Variants in TOMM70 observed in about 807,000 individuals in gnomAD.
TOMM70 encodes the protein translocase of outer mitochondrial membrane 70, also known as mitochondrial import receptor subunit TOM70.
Under a neutral mutation model 73.6 loss-of-function variants are expected in TOMM70, and 13 were observed. That is an observed-to-expected ratio of 0.18 (90% CI 0.11 to 0.28). TOMM70 has a LOEUF of 0.28. TOMM70 is among the 10% of genes least tolerant of loss of function. The pLI, the probability that TOMM70 is intolerant of heterozygous loss-of-function variation, is 1.00. For missense variants in TOMM70, 609 were observed against 747.5 expected, an observed-to-expected ratio of 0.81 and a Z score of 2.16; for synonymous variants, 257 against 271.2, an observed-to-expected ratio of 0.95 and a Z score of 0.51.
intron 3 of TOMM70, among the ~76,000 whole-genome samples, chr3:100,385,560 T>C (rs1016991390): frequency 2.0e-5 from 3 of 152,230 alleles, no homozygotes; most frequent in African/African-American, 7.2e-5. Context: ...TTGCTTCATG[T>C]CACCTAGAAG....
At chr3:100,400,538 T>C (rs1316739060) in intron 1 of TOMM70, 88 bp downstream of exon 1, 12 of 1,463,148 alleles carry the variant, frequency 8.2e-6, no homozygotes, top group African/African-American at 1.4e-5. Flanking sequence ...AGCTTCCGTC[T>C]GATGGGAAGC....
chr3:100,383,360 A>G (rs995185483), intron 4 of TOMM70, among the ~76,000 whole-genome samples: 2 of 152,072 alleles, frequency 1.3e-5, no homozygotes, highest in African/African-American at 4.8e-5. Context: ...TGCCTCTACT[A>G]AAGTACAAAA....
In TOMM70 at chr3:100,400,850, C is replaced by A; in HGVS notation, c.100G>T (p.Gly34Trp). Residue 34 changes from glycine to tryptophan, a missense_variant, in exon 1 of 12, where the codon GGG becomes TGG. By Grantham distance (184) the Gly-to-Trp change is radical. This residue lies in a region of TOMM70 where 177 missense variants were observed against 163.5 expected (regional missense o/e 1.08). Coordinates refer to ENST00000284320, the MANE Select transcript of TOMM70 (RefSeq NM_014820.5). Reference protein sequence around the residue: ...GGGGTAGPGTGGLPRWQLALA... With the variant: ...GGGGTAGPGTWGLPRWQLALA... The stretch of plus-strand genomic sequence containing the variant: ...GCCAGCTGCCATCGCGGCAGCCCCC[C>A]CGTGCCCGGGCCCGCAGTCCCGCCG... The A allele has an allele frequency of 6.6e-7, 1 of 1,525,198 alleles. No homozygotes were observed. Among genetic ancestry groups the A allele is most frequent in the Non-Finnish European group, 8.7e-7 (1 of 1,143,270 alleles). 94.5% of individuals were successfully genotyped at this position (1,525,198 alleles called of 1,614,324 possible).
intron 4 of TOMM70, among the ~76,000 whole-genome samples, chr3:100,383,090 CTA>C (rs1706650814): frequency 6.6e-6 from 1 of 152,106 alleles, no homozygotes; most frequent in African/African-American, 2.4e-5. Flanking sequence ...TCCAACCAGT[CTA>C]ATTACTCCAC....
chr3:100,395,582 C>T (rs114991597), intron 1 of TOMM70, among the ~76,000 whole-genome samples: 1,765 of 150,344 alleles, frequency 0.012, 37 homozygotes, highest in African/African-American at 0.041. Context: ...AAGATTTCCA[C>T]GGAATCCAGC....
At chr3:100,375,873 C>A (rs1196427576) in intron 6 of TOMM70, among the ~76,000 whole-genome samples, 1 of 152,090 alleles carries the variant, frequency 6.6e-6, no homozygotes, top group African/African-American at 2.4e-5. Context: ...GTATTAAATT[C>A]TCTTGGGTAT....
intron 1 of TOMM70, among the ~76,000 whole-genome samples, chr3:100,387,568 C>T (rs4928171): frequency 0.74 from 109,947 of 149,112 alleles, 41,398 homozygotes; most frequent in East Asian, 0.93. Context: ...CACACCACCA[C>T]GTCCAGCTAA....
chr3:100,389,710 A>G (rs894137434), intron 1 of TOMM70, among the ~76,000 whole-genome samples: 5 of 152,260 alleles, frequency 3.3e-5, no homozygotes, highest in African/African-American at 1.2e-4. Flanking sequence ...AAAAGGCACA[A>G]TAATCATGAA....
Position 100,365,599 on chromosome 3 carries a change from C to T in TOMM70, c.1792G>A (p.Ala598Thr). 1.2e-6 allele frequency: 2 copies of T among 1,614,184 alleles called. No individual in the cohort carries two copies. Among genetic ancestry groups the T allele is most frequent in the South Asian group, 1.1e-5 (1 of 91,080 alleles). Reference sequence around the variant, plus strand: ...GGTGGTTTTAATCCGTATTTCTTTGCAACTTCTGTCTGGGCATGGGCGGCA... The same window carrying T: ...GGTGGTTTTAATCCGTATTTCTTTGTAACTTCTGTCTGGGCATGGGCGGCA... ...CDAAHAQTEV[A>T]KKYGLKPPTL The change falls in exon 12 of 12, where the codon GCA becomes ACA. Residue 598 changes from alanine (A) to threonine (T), a missense_variant. Physicochemically the swap from Ala to Thr is moderately conservative, Grantham distance 58. Transcript: ENST00000284320.
rs200051306 is a variant in TOMM70, at chr3:100,393,185, A to AT, written c.325-6208_325-6207insA. ...GAGTGAAACTCTGTCTCAAAAAAAA[A>AT]AAAAAAAAGATAGGGAACCAACCTA... On this transcript the variant is annotated intron_variant, in intron 1 of 11. Coordinates refer to ENST00000284320, the MANE Select transcript of TOMM70 (RefSeq NM_014820.5). 8.8e-3 allele frequency among the ~76,000 whole-genome samples: 1,341 copies of AT among 152,210 alleles called. 19 individuals are homozygous for AT. The highest frequency in any genetic ancestry group is 0.031 in the African/African-American group (1,304 of 41,510).
intron 1 of TOMM70, among the ~76,000 whole-genome samples, chr3:100,399,295 T>A (rs1448120803): frequency 6.6e-6 from 1 of 150,656 alleles, no homozygotes; most frequent in Admixed American, 6.6e-5. Flanking sequence ...AAAAAAAAAA[T>A]TCAACCTGAA....
chr3:100,384,434 C>A, intron 4 of TOMM70, 45 bp downstream of exon 4: 1 of 1,364,794 alleles, frequency 7.3e-7, no homozygotes, highest in South Asian at 1.4e-5. Context: ...ATACCCTTCA[C>A]AATGTACACA....
At chr3:100,393,940 TGCACCA>T (rs1219193431) in intron 1 of TOMM70, among the ~76,000 whole-genome samples, 74 of 152,286 alleles carry the variant, frequency 4.9e-4, no homozygotes, top group African/African-American at 1.7e-3. Context: ...AGATCAGAAA[TGCACCA>T]GCCTCTAAAA....
intron 11 of TOMM70, 139 bp downstream of exon 11, chr3:100,367,905 G>T: frequency 2.1e-6 from 2 of 934,402 alleles, no homozygotes; most frequent in Non-Finnish European, 2.9e-6. Flanking sequence ...CACTGCCTTA[G>T]CACATTTTTT....
At chr3:100,386,396 T>A in intron 2 of TOMM70, 52 bp from the exon 3 acceptor site, 4 of 1,521,436 alleles carry the variant, frequency 2.6e-6, no homozygotes, top group Non-Finnish European at 3.5e-6. Context: ...TACTGTTCAA[T>A]AGAAATCAGT....
At chr3:100,377,620 G>T in intron 6 of TOMM70, 85 bp downstream of exon 6, 1 of 1,358,430 alleles carries the variant, frequency 7.4e-7, no homozygotes, top group Non-Finnish European at 1.0e-6. Flanking sequence ...AATGGCAGTT[G>T]AAATGCTTTA....
chr3:100,401,062 T>C lies in TOMM70; in HGVS notation c.-113A>G, dbSNP rs565004354. 31 of 1,173,850 alleles carry C rather than the reference T, an allele frequency of 2.6e-5. No homozygotes were observed. In the South Asian group the frequency reaches 3.4e-4, roughly 13 times the overall value. The allele number at this position is 1,173,850 out of a possible 1,614,324, so 72.7% of individuals were successfully genotyped here. On this transcript the variant is annotated 5_prime_UTR_variant, in exon 1 of 12. Transcript: ENST00000284320. ...GAAAGCAATGAGCGAGCGAGCACGC[T>C]AGGCAGAGAGAGCGGACGACAGAAA...
In TOMM70 at chr3:100,365,359, C is replaced by T. The variant is rs1561743; in HGVS notation, c.*205G>A. ...TAACATGTTCTAATCTTTTGTTGCACAGGGAATAAAAGCTGCAAGACTGCA... is the reference window on the plus strand; with the variant it reads ...TAACATGTTCTAATCTTTTGTTGCATAGGGAATAAAAGCTGCAAGACTGCA... On this transcript the variant is annotated 3_prime_UTR_variant, in exon 12 of 12. Coordinates refer to ENST00000284320, the MANE Select transcript of TOMM70 (RefSeq NM_014820.5). The T allele has an allele frequency of 3.6e-6, 2 of 558,434 alleles. No homozygotes were observed. Among genetic ancestry groups the T allele is most frequent in the African/African-American group, 1.9e-5 (1 of 53,510 alleles). The allele number at this position is 558,434 out of a possible 1,614,324, so 34.6% of individuals were successfully genotyped here. A position where few individuals can be genotyped will look rare whatever the true frequency, so the allele number is the denominator to read the frequency against.
rs919389401 is a variant in TOMM70 at position 100,364,035 on chromosome 3, T to C, written c.*1529A>G. The C allele has an allele frequency of 2.6e-5, 4 of 152,308 alleles. No individual in the cohort carries two copies. Among genetic ancestry groups the C allele is most frequent in the South Asian group, 2.1e-4 (1 of 4,828 alleles). 9.4% of individuals were successfully genotyped at this position (152,308 alleles called of 1,614,324 possible). A position where few individuals can be genotyped will look rare whatever the true frequency, so the allele number is the denominator to read the frequency against. On this transcript the variant is annotated 3_prime_UTR_variant, in exon 12 of 12. Coordinates refer to ENST00000284320, the MANE Select transcript of TOMM70 (RefSeq NM_014820.5). Reference sequence around the variant, plus strand: ...CTCCCAACAGTGTAAACCATAATTATAATTCGTTCTTAAATAAACCTCTCC... The same window carrying C: ...CTCCCAACAGTGTAAACCATAATTACAATTCGTTCTTAAATAAACCTCTCC...
Sources: gnomAD v4.1 joint callset for allele counts (sites outside exome capture counted in the v4.1 genomes callset) on GRCh38, gnomAD v4.1.1 for gene constraint, gnomAD v4.1.1 regional missense constraint, MANE v1.5 for transcripts, NCBI Gene and HGNC (gene_info 2026-07-23, HGNC 2026-07-21) for gene names.